The following GRID2 variants were observed in gnomAD, a reference collection of about 807,000 sequenced individuals.
The protein encoded by GRID2 is glutamate receptor ionotropic, delta-2.
Under a neutral mutation model 114.8 loss-of-function variants are expected in GRID2, and 33 were observed. That is an observed-to-expected ratio of 0.29 (90% confidence interval 0.22 to 0.38). GRID2 has a LOEUF of 0.38. Ranked by LOEUF, GRID2 falls within the 10% of genes least tolerant of loss-of-function variation. The pLI, the probability that GRID2 is intolerant of heterozygous loss-of-function variation, is 1.00. For missense variants in GRID2, 1,184 were observed against 1,257.7 expected (o/e 0.94, Z 0.89); for synonymous variants, 505 against 449.9 (o/e 1.12, Z -1.55).
intron 10 of GRID2, among the ~76,000 whole-genome samples, chr4:93,448,388 A>G (rs938937273): frequency 7.9e-5 from 12 of 151,936 alleles, no homozygotes; most frequent in African/African-American, 2.9e-4. Context: ...ATATAACAAA[A>G]TCTACACAAT....
Position 93,606,441 on chromosome 4 carries a change from T to G in GRID2, c.2194-19828T>G, listed in dbSNP as rs182024286. Among the ~76,000 whole-genome samples, 330 of 152,336 alleles carry G rather than the reference T, an allele frequency of 2.2e-3. 1 individual carries two copies. Among genetic ancestry groups the G allele is most frequent in the African/African-American group, 7.5e-3 (311 of 41,578 alleles). ...TGCTGTTCATGAAGGTGAGCCCAAC[T>G]AGAGATAAAATTGATTTCTGTTATA... On this transcript the variant is annotated intron_variant, in intron 13 of 15. Transcript: ENST00000282020.
intron 13 of GRID2, among the ~76,000 whole-genome samples, chr4:93,564,082 T>A (rs1055981357): frequency 7.2e-5 from 11 of 151,860 alleles, no homozygotes; most frequent in Non-Finnish European, 1.5e-4. Flanking sequence ...AAACTTGGCC[T>A]CCTCAGTACT....
intron 10 of GRID2, among the ~76,000 whole-genome samples, chr4:93,443,639 G>T (rs963063257): frequency 6.6e-6 from 1 of 151,866 alleles, no homozygotes; most frequent in African/African-American, 2.4e-5. Context: ...TCATGAGCAG[G>T]GTTGCAGCAC....
At chr4:93,260,416 T>C (rs767345699) in intron 8 of GRID2, among the ~76,000 whole-genome samples, 1 of 150,942 alleles carries the variant, frequency 6.6e-6, no homozygotes, top group Non-Finnish European at 1.5e-5. Flanking sequence ...AATATTAAAA[T>C]AACAAGATAA....
chr4:92,976,142 A>G (rs530322269), intron 2 of GRID2, among the ~76,000 whole-genome samples: 15 of 152,120 alleles, frequency 9.9e-5, no homozygotes, highest in Admixed American at 4.6e-4. Context: ...TTTAGAAGAC[A>G]CTATAAATAT....
intron 4 of GRID2, among the ~76,000 whole-genome samples, chr4:93,163,748 G>T (rs1279748282): frequency 6.6e-6 from 1 of 151,854 alleles, no homozygotes; most frequent in Admixed American, 6.6e-5. Context: ...TGTAACATTG[G>T]TAGGAGTGGC....
Position 93,654,432 on chromosome 4 carries a change from G to T in GRID2, c.2360+27997G>T, listed in dbSNP as rs1020716570. ...GCTCAGCTAAAACTTCCATTTGTAT[G>T]CATTTATTCTGCTTCACACATTATG... On this transcript the variant is annotated intron_variant, in intron 14 of 15. Transcript: ENST00000282020. 2.0e-5 allele frequency among the ~76,000 whole-genome samples: 3 copies of T among 152,112 alleles called. No individual in the cohort carries two copies. The South Asian group carries it at 6.2e-4, about 31-fold the overall frequency.
chr4:92,345,503 C>A (rs61686274), intron 1 of GRID2, among the ~76,000 whole-genome samples: 36,625 of 152,092 alleles, frequency 0.24, 5,612 homozygotes, highest in East Asian at 0.64. Flanking sequence ...ACTGATAGTT[C>A]TACTTGGAAA....
chr4:92,632,155 CT>C (rs1730839481), intron 2 of GRID2, among the ~76,000 whole-genome samples: 1 of 152,064 alleles, frequency 6.6e-6, no homozygotes, highest in Admixed American at 6.6e-5. Flanking sequence ...TGAACATGGC[CT>C]TAAAATTTAT....
chr4:92,650,964 C>A (rs921685443), intron 2 of GRID2, among the ~76,000 whole-genome samples: 4 of 152,040 alleles, frequency 2.6e-5, no homozygotes, highest in Non-Finnish European at 5.9e-5. Flanking sequence ...TCTGTCAAGG[C>A]AGCTGCCTCA....
At chr4:93,198,456 G>A (rs1741728822) in intron 4 of GRID2, among the ~76,000 whole-genome samples, 1 of 152,068 alleles carries the variant, frequency 6.6e-6, no homozygotes. Context: ...GGCAACATAA[G>A]GACAAAGGCT....
At chr4:92,405,151 G>A (rs1022693262) in intron 1 of GRID2, among the ~76,000 whole-genome samples, 11 of 152,256 alleles carry the variant, frequency 7.2e-5, no homozygotes, top group East Asian at 3.9e-4. Flanking sequence ...GAAGAATGGC[G>A]TTCAAACTCC....
chr4:93,328,699 A>ATGGT, intron 8 of GRID2, among the ~76,000 whole-genome samples: 1 of 147,016 alleles, frequency 6.8e-6, no homozygotes, highest in South Asian at 2.2e-4. Flanking sequence ...GGATGGATGG[A>ATGGT]TGGATGGTTG....
chr4:92,469,156 G>C (rs746086909), intron 1 of GRID2, among the ~76,000 whole-genome samples: 1 of 152,032 alleles, frequency 6.6e-6, no homozygotes, highest in Non-Finnish European at 1.5e-5. Flanking sequence ...TTATTATCCC[G>C]TCAGGAAAAC....
intron 2 of GRID2, among the ~76,000 whole-genome samples, chr4:92,907,654 C>A (rs1419962656): frequency 6.6e-6 from 1 of 152,108 alleles, no homozygotes. Context: ...AGTTGATCCG[C>A]CTGCTTCAGC....
intron 1 of GRID2, among the ~76,000 whole-genome samples, chr4:93,794,728 T>TC (rs1295920380): frequency 1.3e-5 from 2 of 152,312 alleles, no homozygotes; most frequent in East Asian, 3.9e-4. Flanking sequence ...GGAACATTAT[T>TC]CCCCTCAGAA....
intron 1 of GRID2, among the ~76,000 whole-genome samples, chr4:93,781,447 T>C (rs986711741): frequency 1.3e-5 from 2 of 151,570 alleles, no homozygotes; most frequent in African/African-American, 4.9e-5. Flanking sequence ...GGGGCTGCGG[T>C]GAGGCCCACT....
At chr4:92,351,803 C>G (rs1007461297) in intron 1 of GRID2, among the ~76,000 whole-genome samples, 2 of 151,808 alleles carry the variant, frequency 1.3e-5, no homozygotes, top group African/African-American at 4.8e-5. Flanking sequence ...ATAATGTCCT[C>G]CAGGCTCATC....
At chr4:92,754,869 T>C (rs1737632911) in intron 2 of GRID2, among the ~76,000 whole-genome samples, 1 of 152,246 alleles carries the variant, frequency 6.6e-6, no homozygotes, top group Admixed American at 6.5e-5. Flanking sequence ...CTGCTATGTA[T>C]ATTTTATATC....
Sources: gnomAD v4.1 joint callset for allele counts (sites outside exome capture counted in the v4.1 genomes callset) on GRCh38, gnomAD v4.1.1 for gene constraint, MANE v1.5 for transcripts, NCBI Gene and HGNC (gene_info 2026-07-23, HGNC 2026-07-21) for gene names.